Variants in SEC14L1 observed in about 807,000 individuals in gnomAD.
The protein encoded by SEC14L1 is SEC14 like lipid binding 1, also known as SEC14-like protein 1.
Under a neutral mutation model 85.3 loss-of-function variants are expected in SEC14L1, and 48 were observed. The observed-to-expected ratio is 0.56, with a 90% CI of 0.45 to 0.72. The LOEUF (loss-of-function observed/expected upper bound fraction) is 0.72, where lower values mean the gene tolerates loss of function less well. Among genes scored for constraint, SEC14L1 ranks in the 30% least tolerant of loss-of-function variants. The probability of loss-of-function intolerance (pLI) is 0.00; values close to 1 mark genes in which losing one functional copy is unlikely to be tolerated. For synonymous variants in SEC14L1, 391 were observed against 355.5 expected (o/e 1.10, Z -1.12); for missense variants, 682 against 921.4 (o/e 0.74, Z 3.36).
Position 77,119,485 on chromosome 17 carries a change from G to A in SEC14L1, c.-135-23161G>A, listed in dbSNP as rs56246294. Among the ~76,000 whole-genome samples, 1,201 of 152,166 alleles carry A rather than the reference G, an allele frequency of 7.9e-3. 22 individuals are homozygous for A. The highest frequency in any genetic ancestry group is 0.028 in the African/African-American group (1,158 of 41,512). On this transcript the variant is annotated intron_variant, in intron 3 of 19. Transcript: ENST00000392476. Reference sequence around the variant, plus strand: ...AAATTAAACAAAGTTAGATGGAGGAGCACCATCAAGGAGCCGGTATCCCTG... The same window carrying A: ...AAATTAAACAAAGTTAGATGGAGGAACACCATCAAGGAGCCGGTATCCCTG...
chr17:77,115,591 G>C (rs1317572003), intron 3 of SEC14L1, among the ~76,000 whole-genome samples: 1 of 152,148 alleles, frequency 6.6e-6, no homozygotes, highest in Non-Finnish European at 1.5e-5. Context: ...GAGGTCTAGG[G>C]CCTTCATTCT....
In SEC14L1 at chr17:77,206,735, C is replaced by T. The variant is rs781464999; in HGVS notation, c.1349C>T (p.Pro450Leu). The change falls in exon 13 of 17, where the codon CCG (proline) becomes CTG (leucine). Residue 450 changes from proline to leucine, a missense_variant. Coordinates refer to ENST00000436233, the MANE Select transcript of SEC14L1 (RefSeq NM_001143998.2). This position sits in a 1 kb window ranked among gnomAD's most constrained non-coding sequence, Gnocchi z 4.3. ...VFPVLWTLVSPFIDDNTRRKF... is the reference protein window; with the variant it reads ...VFPVLWTLVSLFIDDNTRRKF... ...GTCTTCTCCTCCTCACAGGTTAGTC[C>T]GTTCATTGATGACAACACCAGAAGG... The T allele has an allele frequency of 1.9e-6, 3 of 1,606,072 alleles. No individual in the cohort carries two copies. The highest frequency in any genetic ancestry group is 1.1e-5 in the South Asian group (1 of 89,498).
intron 3 of SEC14L1, among the ~76,000 whole-genome samples, chr17:77,131,074 G>A (rs529884544): frequency 5.9e-5 from 9 of 152,112 alleles, no homozygotes; most frequent in African/African-American, 1.4e-4. Context: ...ATTCTTCTAC[G>A]GACAGTCTAG....
chr17:77,092,887 G>A (rs1225660552), intron 2 of SEC14L1, among the ~76,000 whole-genome samples: 1 of 150,090 alleles, frequency 6.7e-6, no homozygotes, highest in Admixed American at 6.7e-5. Flanking sequence ...GGCGGAGGTT[G>A]CGGTGAGCCG....
intron 5 of SEC14L1, 145 bp from the exon 6 acceptor site, chr17:77,193,276 G>T: frequency 1.6e-6 from 1 of 619,092 alleles, no homozygotes; most frequent in Non-Finnish European, 2.6e-6. Flanking sequence ...CATGATTTTG[G>T]CATTTTTTCC....
intron 3 of SEC14L1, among the ~76,000 whole-genome samples, chr17:77,128,441 T>C: frequency 7.1e-6 from 1 of 141,144 alleles, no homozygotes; most frequent in African/African-American, 2.7e-5. Context: ...TTTTATTTTA[T>C]TTTATTTTAT....
chr17:77,117,095 C>G (rs1972186283), intron 3 of SEC14L1, among the ~76,000 whole-genome samples: 1 of 152,202 alleles, frequency 6.6e-6, no homozygotes, highest in Non-Finnish European at 1.5e-5. Flanking sequence ...TGCCTGTAAT[C>G]CCAGCATTTT....
chr17:77,200,300 C>T (rs1381943519), intron 8 of SEC14L1, among the ~76,000 whole-genome samples, 184 bp from the exon 9 acceptor site: 1 of 152,016 alleles, frequency 6.6e-6, no homozygotes, highest in Non-Finnish European at 1.5e-5. Context: ...CTCCGAGTAG[C>T]TGGGATTACA....
intron 3 of SEC14L1, among the ~76,000 whole-genome samples, chr17:77,122,413 T>C (rs1382079938): frequency 6.6e-6 from 1 of 152,020 alleles, no homozygotes; most frequent in East Asian, 1.9e-4. Context: ...GTGATCCTCC[T>C]GCCTCAGCCT....
intron 3 of SEC14L1, among the ~76,000 whole-genome samples, chr17:77,135,818 G>A (rs969547158): frequency 6.6e-6 from 1 of 152,042 alleles, no homozygotes; most frequent in Admixed American, 6.5e-5. Context: ...GCAGGCATAA[G>A]CTATGTATCT....
chr17:77,152,379 T>C (rs1033927256), intron 3 of SEC14L1, among the ~76,000 whole-genome samples: 1 of 151,854 alleles, frequency 6.6e-6, no homozygotes, highest in African/African-American at 2.4e-5. Context: ...CTACTAAAAA[T>C]ACAAAAATCA....
chr17:77,154,374 T>TG (rs1413617418), intron 3 of SEC14L1, among the ~76,000 whole-genome samples: 1 of 152,198 alleles, frequency 6.6e-6, no homozygotes, highest in Non-Finnish European at 1.5e-5. Context: ...CTCAGGAGAC[T>TG]TGAGACAGGA....
intron 4 of SEC14L1, 29 bp from the exon 5 acceptor site, chr17:77,191,152 A>G (rs1598372406): frequency 6.2e-7 from 1 of 1,600,914 alleles, no homozygotes; most frequent in African/African-American, 1.4e-5. Flanking sequence ...TTATTAATAA[A>G]CCCATTTCTC....
At chr17:77,113,030 G>T (rs896553978) in intron 3 of SEC14L1, among the ~76,000 whole-genome samples, 1 of 152,024 alleles carries the variant, frequency 6.6e-6, no homozygotes, top group Admixed American at 6.6e-5. Flanking sequence ...ATAGTGACAT[G>T]TGCCTGTAGT....
chr17:77,162,846 GT>G (rs1229211989), intron 3 of SEC14L1, among the ~76,000 whole-genome samples: 9 of 151,786 alleles, frequency 5.9e-5, no homozygotes, highest in Admixed American at 6.6e-5. Context: ...AAAAAAATGT[GT>G]TGTGGATTCT....
chr17:77,203,821 CAG>C lies in SEC14L1; in HGVS notation c.1098+165_1098+166del, dbSNP rs58796233. On this transcript the variant is annotated intron_variant, in intron 10 of 16. Transcript: ENST00000436233. ...CGTCTTAAAATTTCAAAAGGAGACACAGAAGTTATAAAAGTGTTTCTCACAGT... is the reference window on the plus strand; with the variant it reads ...CGTCTTAAAATTTCAAAAGGAGACACAAGTTATAAAAGTGTTTCTCACAGT... 8.0e-3 allele frequency among the ~76,000 whole-genome samples: 1,217 copies of C among 152,242 alleles called. 21 individuals are homozygous for C. Among genetic ancestry groups the C allele is most frequent in the African/African-American group, 0.027 (1,131 of 41,534 alleles).
chr17:77,128,180 G>A (rs968225030), intron 3 of SEC14L1: 14 of 152,138 alleles, frequency 9.2e-5, no homozygotes, highest in African/African-American at 2.9e-4. Context: ...CCGGGGGTAT[G>A]GAGGAAGGTC....
chr17:77,212,590 C>T, intron 15 of SEC14L1: 1 of 212,696 alleles, frequency 4.7e-6, no homozygotes, highest in Non-Finnish European at 9.5e-6. Flanking sequence ...ACTATTAGCT[C>T]TCATTACCAA....
intron 3 of SEC14L1, among the ~76,000 whole-genome samples, chr17:77,130,407 C>T (rs1479797575): frequency 2.6e-5 from 4 of 152,176 alleles, no homozygotes; most frequent in South Asian, 2.1e-4. Flanking sequence ...ACCTCCACCT[C>T]CTGAGTTCAA....
Sources: allele counts gnomAD v4.1 joint callset (sites outside exome capture counted in the v4.1 genomes callset), GRCh38; gene constraint gnomAD v4.1.1; non-coding constraint Gnocchi (gnomAD v3.1); transcripts MANE v1.5; gene names NCBI Gene and HGNC (gene_info 2026-07-23, HGNC 2026-07-21).